DENND1B: variants seen among roughly 807,000 people sequenced by gnomAD.
The protein encoded by DENND1B is DENN domain containing 1B.
DENND1B carries 59 observed loss-of-function variants against 90.1 expected under a neutral mutation model. The ratio of observed to expected loss-of-function variants is 0.65; its 90% CI spans 0.53 to 0.81. The LOEUF (loss-of-function observed/expected upper bound fraction) is 0.81. DENND1B is among the 40% of genes least tolerant of loss of function. The pLI is 0.00. For synonymous variants in DENND1B, 337 were observed against 324.6 expected (o/e 1.04, Z -0.41); for missense variants, 862 against 912.6 (o/e 0.94, Z 0.71).
At chr1:197,644,668 C>T (rs536729665) in intron 9 of DENND1B, among the ~76,000 whole-genome samples, 21 of 152,146 alleles carry the variant, frequency 1.4e-4, no homozygotes, top group Non-Finnish European at 2.6e-4. Flanking sequence ...ATACGAGCAA[C>T]TTGATGCAAA....
At chr1:197,538,631 G>A (rs1670089753) in intron 20 of DENND1B, among the ~76,000 whole-genome samples, 1 of 140,164 alleles carries the variant, frequency 7.1e-6, no homozygotes, top group South Asian at 2.3e-4. Context: ...GGCATATAGT[G>A]TTGATGAATG....
chr1:197,564,395 CAAAAA>C (rs71131780), intron 15 of DENND1B, among the ~76,000 whole-genome samples: 4 of 63,156 alleles, frequency 6.3e-5, no homozygotes, highest in African/African-American at 1.3e-4. Flanking sequence ...CCTCCACCAG[CAAAAA>C]AAAAAAAAAA....
At chr1:197,548,252 T>C (rs993517591) in intron 16 of DENND1B, among the ~76,000 whole-genome samples, 4 of 152,170 alleles carry the variant, frequency 2.6e-5, no homozygotes, top group Non-Finnish European at 4.4e-5. Flanking sequence ...ACTGTACTTT[T>C]CTACTGTAAA....
chr1:197,620,384 C>T (rs1678047059), intron 10 of DENND1B, among the ~76,000 whole-genome samples: 1 of 151,280 alleles, frequency 6.6e-6, no homozygotes, highest in South Asian at 2.1e-4. Context: ...TGATCTCTGG[C>T]ACATCTACAA....
chr1:197,722,616 A>G (rs1428784977), intron 2 of DENND1B, among the ~76,000 whole-genome samples: 3 of 152,208 alleles, frequency 2.0e-5, no homozygotes, highest in Admixed American at 6.5e-5. Context: ...AGAAACCTAG[A>G]CAAGGAGATT....
At chr1:197,733,971 T>C (rs2102330303) in intron 2 of DENND1B, 1 of 533,360 alleles carries the variant, frequency 1.9e-6, no homozygotes, top group African/African-American at 2.1e-5. Context: ...ATCTCTTGCA[T>C]TTAAAAATCT....
chr1:197,658,393 G>A, intron 5 of DENND1B, 24 bp from the exon 6 acceptor site: 3 of 1,423,018 alleles, frequency 2.1e-6, no homozygotes, highest in Non-Finnish European at 2.9e-6. Context: ...ATTTTAAAAT[G>A]TATATACATA....
intron 14 of DENND1B, among the ~76,000 whole-genome samples, chr1:197,591,576 T>C (rs918432778): frequency 6.6e-6 from 1 of 152,118 alleles, no homozygotes; most frequent in Admixed American, 6.5e-5. Context: ...GGGAAGAGGA[T>C]GAAGCAGTTT....
At chr1:197,567,677 T>C (rs1375996905) in intron 15 of DENND1B, among the ~76,000 whole-genome samples, 1 of 152,126 alleles carries the variant, frequency 6.6e-6, no homozygotes, top group Non-Finnish European at 1.5e-5. Context: ...AATCAATAAA[T>C]GTGATATACT....
chr1:197,729,266 T>C (rs1450476638), intron 2 of DENND1B, among the ~76,000 whole-genome samples: 1 of 152,190 alleles, frequency 6.6e-6, no homozygotes, highest in Non-Finnish European at 1.5e-5. Context: ...TAAAGGCAGC[T>C]TTTTCAGTTT....
chr1:197,558,053 G>A (rs549970538), intron 15 of DENND1B, among the ~76,000 whole-genome samples: 1 of 151,910 alleles, frequency 6.6e-6, no homozygotes, highest in East Asian at 1.9e-4. Context: ...ATTATTATAA[G>A]TAATGACAAA....
chr1:197,661,694 C>A (rs913629371), intron 5 of DENND1B, among the ~76,000 whole-genome samples: 6 of 151,912 alleles, frequency 3.9e-5, no homozygotes, highest in African/African-American at 1.4e-4. Context: ...ATATACATAA[C>A]AATAATTATG....
chr1:197,518,216 A>G (rs1668536221), intron 20 of DENND1B, among the ~76,000 whole-genome samples: 1 of 151,916 alleles, frequency 6.6e-6, no homozygotes, highest in African/African-American at 2.4e-5. Flanking sequence ...AATGCTGTCT[A>G]GAAGGTCCTG....
At chr1:197,565,674 G>A (rs1189113120) in intron 15 of DENND1B, among the ~76,000 whole-genome samples, 2 of 130,896 alleles carry the variant, frequency 1.5e-5, no homozygotes, top group African/African-American at 5.9e-5. Flanking sequence ...AGAGTGTGAT[G>A]TTCCCCTTCC....
chr1:197,656,543 C>T (rs11799366), intron 6 of DENND1B, among the ~76,000 whole-genome samples: 3,707 of 151,996 alleles, frequency 0.024, 160 homozygotes, highest in African/African-American at 0.084. Context: ...CAAAGAATGG[C>T]CAGGCTTGGT....
intron 10 of DENND1B, among the ~76,000 whole-genome samples, chr1:197,626,587 A>C (rs1678754515): frequency 6.6e-6 from 1 of 152,176 alleles, no homozygotes; most frequent in African/African-American, 2.4e-5. Flanking sequence ...AAGATCCAAA[A>C]TTGACACCCT....
At chr1:197,679,357 G>A (rs1184555950) in intron 3 of DENND1B, among the ~76,000 whole-genome samples, 1 of 149,440 alleles carries the variant, frequency 6.7e-6, no homozygotes, top group Admixed American at 6.7e-5. Flanking sequence ...AAAATATTTG[G>A]AAAAAATACA....
At chr1:197,654,554 G>A (rs557641676) in intron 6 of DENND1B, among the ~76,000 whole-genome samples, 6 of 151,844 alleles carry the variant, frequency 4.0e-5, no homozygotes, top group South Asian at 4.2e-4. Context: ...AGGTTGCAGC[G>A]AGCCGAGATC....
At chr1:197,552,057 T>C (rs1411359834) in intron 16 of DENND1B, among the ~76,000 whole-genome samples, 1 of 152,124 alleles carries the variant, frequency 6.6e-6, no homozygotes, top group Non-Finnish European at 1.5e-5. Context: ...GGTGGGAAAA[T>C]GAATCTTAAA....
Sources: allele counts gnomAD v4.1 joint callset (sites outside exome capture counted in the v4.1 genomes callset), GRCh38; gene constraint gnomAD v4.1.1; transcripts MANE v1.5; gene names NCBI Gene and HGNC (gene_info 2026-07-23, HGNC 2026-07-21).